Variants in OSBPL8 observed in about 807,000 individuals in gnomAD.
OSBPL8 encodes the protein oxysterol binding protein like 8, also known as oxysterol-binding protein-related protein 8.
A neutral mutation model predicts 125.5 loss-of-function variants in OSBPL8; 59 were observed. The ratio of observed to expected loss-of-function variants is 0.47; its 90% CI spans 0.38 to 0.58. The LOEUF is 0.58. Ranked by LOEUF, OSBPL8 falls within the 20% of genes least tolerant of loss-of-function variation. The probability of loss-of-function intolerance (pLI) is 0.00; values close to 1 mark genes in which losing one functional copy is unlikely to be tolerated. For synonymous variants in OSBPL8, 330 were observed against 338.9 expected (o/e 0.97, Z 0.29); for missense variants, 758 against 1,047.8 (o/e 0.72, Z 3.82).
intron 1 of OSBPL8, among the ~76,000 whole-genome samples, chr12:76,488,843 T>C (rs1334841513): frequency 6.6e-6 from 1 of 152,182 alleles, no homozygotes; most frequent in Non-Finnish European, 1.5e-5. Flanking sequence ...CATATTTCAC[T>C]TTAAATCAAA....
chr12:76,400,136 GT>G (rs747946666), intron 6 of OSBPL8, among the ~76,000 whole-genome samples, 162 bp from the exon 7 acceptor site: 2 of 152,102 alleles, frequency 1.3e-5, no homozygotes, highest in Non-Finnish European at 2.9e-5. Context: ...GTACCCATTA[GT>G]TACTTTTCCT....
At chr12:76,370,029 A>G (rs1352390939) in intron 19 of OSBPL8, among the ~76,000 whole-genome samples, 2 of 152,154 alleles carry the variant, frequency 1.3e-5, no homozygotes, top group African/African-American at 2.4e-5. Flanking sequence ...AGTGGAGACT[A>G]ATTTTTTTTA....
chr12:76,407,253 C>T (rs1283702028), intron 5 of OSBPL8, among the ~76,000 whole-genome samples: 1 of 152,042 alleles, frequency 6.6e-6, no homozygotes, highest in Admixed American at 6.6e-5. Context: ...CATATATATA[C>T]ACAAATTTAT....
At chr12:76,539,300 A>C (rs528669813) in intron 1 of OSBPL8, among the ~76,000 whole-genome samples, 13 of 152,286 alleles carry the variant, frequency 8.5e-5, no homozygotes, top group Non-Finnish European at 1.8e-4. Flanking sequence ...CCCTATGCAG[A>C]AAAAATAAGT....
In OSBPL8 at chr12:76,410,692, T is replaced by C. The variant is rs977502756; in HGVS notation, c.218-58A>G. 7 of 1,197,636 alleles carry C rather than the reference T, an allele frequency of 5.8e-6. No individual in the cohort carries two copies. The African/African-American group carries it at 9.0e-5, about 15-fold the overall frequency. The allele number at this position is 1,197,636 out of a possible 1,614,324, so 74.2% of individuals were successfully genotyped here. ...ACTTTTGAACATGTATAATAAGTCA[T>C]TCATTTTCAAGTATAGACTATATTT... On this transcript the variant is annotated intron_variant, in intron 4 of 23. Transcript: ENST00000261183.
chr12:76,373,484 A>G (rs374425532), intron 17 of OSBPL8, 51 bp from the exon 18 acceptor site: 146 of 1,369,124 alleles, frequency 1.1e-4, no homozygotes, highest in Admixed American at 8.2e-4. Context: ...ATATTTACAT[A>G]TAATGTAAAA....
intron 1 of OSBPL8, among the ~76,000 whole-genome samples, chr12:76,538,481 A>C (rs1265820080): frequency 6.6e-6 from 1 of 152,240 alleles, no homozygotes; most frequent in Non-Finnish European, 1.5e-5. Flanking sequence ...ACACAGCTAT[A>C]GATTATTTTT....
intron 1 of OSBPL8, among the ~76,000 whole-genome samples, chr12:76,529,067 G>GT (rs992123588): frequency 2.2e-4 from 32 of 148,160 alleles, no homozygotes; most frequent in East Asian, 7.8e-4. Context: ...GTTTTGTTTT[G>GT]TTTTTTTTTA....
chr12:76,508,722 G>A (rs1843188918), intron 1 of OSBPL8, among the ~76,000 whole-genome samples: 1 of 152,164 alleles, frequency 6.6e-6, no homozygotes, highest in South Asian at 2.1e-4. Context: ...ATAGTATAAT[G>A]TATTAGCATA....
rs191516783 is a variant in OSBPL8 at position 76,408,782 on chromosome 12, G to A, written c.288+1782C>T. On this transcript the variant is annotated intron_variant, in intron 5 of 23. Coordinates refer to ENST00000261183, the MANE Select transcript of OSBPL8 (RefSeq NM_020841.5). ...CCCAAAGCATAGTTCTAAAGCTTGT[G>A]GGTTCCTCCCCGCCCCCCATTAAGG... Among the ~76,000 whole-genome samples, 87 of 152,220 alleles carry A rather than the reference G, an allele frequency of 5.7e-4. 2 individuals carry two copies. The highest frequency in any genetic ancestry group is 2.1e-3 in the African/African-American group (86 of 41,546).
Position 76,369,207 on chromosome 12 carries a change from T to G in OSBPL8, c.2328+7A>C. ...ATACCTAGTGTACCTAGTTTTTTAT[T>G]ACATACCATTGGAGTACGATGTTTC... On this transcript the variant is annotated splice_region_variant and intron_variant, in intron 21 of 23. Coordinates refer to ENST00000261183, the MANE Select transcript of OSBPL8 (RefSeq NM_020841.5). 6.2e-7 allele frequency: 1 copy of G among 1,606,740 alleles called. No homozygotes were observed. The highest frequency in any genetic ancestry group is 8.5e-7 in the Non-Finnish European group (1 of 1,177,856).
At chr12:76,518,489 T>C (rs1453226029) in intron 1 of OSBPL8, among the ~76,000 whole-genome samples, 1 of 152,120 alleles carries the variant, frequency 6.6e-6, no homozygotes, top group Admixed American at 6.5e-5. Context: ...TGGAGGGTGG[T>C]GGCCCACTTT....
chr12:76,492,155 T>G (rs1365017641), intron 1 of OSBPL8, among the ~76,000 whole-genome samples: 7 of 152,062 alleles, frequency 4.6e-5, no homozygotes, highest in African/African-American at 1.7e-4. Context: ...AGGGTTACAA[T>G]TTTAAATAGG....
chr12:76,436,055 G>C (rs747852190), intron 4 of OSBPL8, among the ~76,000 whole-genome samples: 51 of 152,152 alleles, frequency 3.4e-4, no homozygotes, highest in Non-Finnish European at 6.9e-4. Flanking sequence ...CTCTAAGCAT[G>C]AAAACCAAGC....
chr12:76,441,810 G>A (rs995858136), intron 4 of OSBPL8, among the ~76,000 whole-genome samples: 3 of 151,932 alleles, frequency 2.0e-5, no homozygotes, highest in Non-Finnish European at 4.4e-5. Context: ...GTGGGGTGGG[G>A]AAAGCTGGGG....
chr12:76,356,162 T>TGGGGGGGGGAGGGGGGGGGAATGAGGGGG, intron 23 of OSBPL8, 141 bp from the exon 24 acceptor site: 1 of 131,274 alleles, frequency 7.6e-6, no homozygotes, highest in Non-Finnish European at 1.6e-5. Context: ...TATGTAGGGG[T>TGGGGGGGGGAGGGGGGGGGAATGAGGGGG]GGGGGGGGGC....
chr12:76,405,188 G>A (rs754232616), intron 5 of OSBPL8, among the ~76,000 whole-genome samples: 1 of 152,152 alleles, frequency 6.6e-6, no homozygotes, highest in Non-Finnish European at 1.5e-5. Context: ...GCCGGGCATG[G>A]TGACTCATGC....
intron 1 of OSBPL8, among the ~76,000 whole-genome samples, chr12:76,547,412 A>T (rs1950811219): frequency 6.6e-6 from 1 of 152,186 alleles, no homozygotes; most frequent in African/African-American, 2.4e-5. Flanking sequence ...GCTAGGAACA[A>T]AAAAACAAAA....
At position 76,386,272 on chromosome 12, in the gene OSBPL8, A is replaced by G; in HGVS notation, c.1435-6T>C. The G allele has an allele frequency of 2.8e-6, 1 of 354,198 alleles. No homozygotes were observed. Among genetic ancestry groups the G allele is most frequent in the Admixed American group, 7.6e-5 (1 of 13,180 alleles). The allele number at this position is 354,198 out of a possible 1,614,324, so 21.9% of individuals were successfully genotyped here. On this transcript the variant is annotated splice_region_variant and splice_polypyrimidine_tract_variant and intron_variant, in intron 13 of 23. Coordinates refer to ENST00000261183, the MANE Select transcript of OSBPL8 (RefSeq NM_020841.5). The stretch of plus-strand genomic sequence containing the variant: ...TTATAAGGTTTCTTCAGTCCCTGGT[A>G]AAAAAAAAAAAAAGCAATTTCAAAT...
Sources: gnomAD v4.1 joint callset for allele counts (sites outside exome capture counted in the v4.1 genomes callset) on GRCh38, gnomAD v4.1.1 for gene constraint, MANE v1.5 for transcripts, NCBI Gene and HGNC (gene_info 2026-07-23, HGNC 2026-07-21) for gene names.